Variants in ATXN7 observed in about 807,000 individuals in gnomAD.
The protein encoded by ATXN7 is ataxin 7, also known as ataxin-7.
Under a neutral mutation model 70.5 loss-of-function variants are expected in ATXN7, and 12 were observed. The observed-to-expected ratio is 0.17, with a 90% confidence interval of 0.11 to 0.28. The LOEUF is 0.28. Among genes scored for constraint, ATXN7 ranks in the 10% least tolerant of loss-of-function variants. ATXN7 has a pLI of 1.00. For missense variants in ATXN7, 1,256 were observed against 1,131.7 expected (o/e 1.11, Z -1.58); for synonymous variants, 498 against 448.7 (o/e 1.11, Z -1.39).
At chr3:63,993,354 G>A (rs1210965874) in intron 11 of ATXN7, among the ~76,000 whole-genome samples, 1 of 148,928 alleles carries the variant, frequency 6.7e-6, no homozygotes, top group Admixed American at 6.7e-5. Flanking sequence ...CAAGGCTGAG[G>A]CAGGAGAATG....
chr3:63,925,058 T>A (rs938824462), intron 4 of ATXN7, among the ~76,000 whole-genome samples: 20 of 152,180 alleles, frequency 1.3e-4, no homozygotes, highest in African/African-American at 4.8e-4. Context: ...TGGTTTTGGA[T>A]GGAATCAGAG....
intron 2 of ATXN7, chr3:63,912,080 C>A (rs981259483): frequency 1.3e-5 from 2 of 152,152 alleles, no homozygotes; most frequent in Non-Finnish European, 2.9e-5. Context: ...GAGGCGTCTC[C>A]GCTTAAGGGA....
At chr3:63,928,583 C>G (rs1704812043) in intron 4 of ATXN7, among the ~76,000 whole-genome samples, 1 of 152,126 alleles carries the variant, frequency 6.6e-6, no homozygotes, top group Admixed American at 6.5e-5. Context: ...TGCCTCAATC[C>G]TTACAGCAGT....
At chr3:63,933,068 G>C (rs1052881921) in intron 4 of ATXN7, among the ~76,000 whole-genome samples, 22 of 152,078 alleles carry the variant, frequency 1.4e-4, no homozygotes, top group African/African-American at 4.8e-4. Flanking sequence ...TGCTTGTTTT[G>C]TAAGTAAACT....
chr3:63,963,661 C>G (rs1417775453), intron 5 of ATXN7, among the ~76,000 whole-genome samples: 1 of 152,178 alleles, frequency 6.6e-6, no homozygotes, highest in Non-Finnish European at 1.5e-5. Flanking sequence ...TCATGTAAAT[C>G]CATTCACAGC....
At chr3:63,983,149 T>G (rs2075517737) in intron 8 of ATXN7, 128 bp downstream of exon 8, 3 of 752,354 alleles carry the variant, frequency 4.0e-6, no homozygotes, top group Non-Finnish European at 6.8e-6. Flanking sequence ...ATTGTGTAGG[T>G]GAAGGAATAA....
intron 4 of ATXN7, among the ~76,000 whole-genome samples, chr3:63,921,694 C>G (rs1249018730): frequency 2.0e-5 from 3 of 152,032 alleles, no homozygotes; most frequent in Admixed American, 6.6e-5. Flanking sequence ...AACCCCAGTT[C>G]TAGAATTAAG....
At chr3:63,865,924 AAG>A (rs1702409525) in intron 1 of ATXN7, among the ~76,000 whole-genome samples, 3 of 149,332 alleles carry the variant, frequency 2.0e-5, no homozygotes, top group Admixed American at 6.7e-5. Context: ...AAAAAAAAAA[AAG>A]AAAGTAATTG....
chr3:63,922,260 T>G (rs1704539909), intron 4 of ATXN7, among the ~76,000 whole-genome samples: 1 of 152,108 alleles, frequency 6.6e-6, no homozygotes, highest in Non-Finnish European at 1.5e-5. Context: ...CAGGCTGGTC[T>G]CAAACTCTGG....
chr3:63,995,172 C>T (rs541888657), intron 11 of ATXN7, among the ~76,000 whole-genome samples: 1 of 151,610 alleles, frequency 6.6e-6, no homozygotes, highest in Non-Finnish European at 1.5e-5. Context: ...AAAGGATGAG[C>T]AGAAGCTGGG....
intron 5 of ATXN7, among the ~76,000 whole-genome samples, chr3:63,961,646 A>G (rs1375121635): frequency 1.3e-5 from 2 of 152,130 alleles, no homozygotes; most frequent in African/African-American, 4.8e-5. Context: ...CTGTAAATAT[A>G]TAGAACTTTT....
chr3:63,877,108 A>G (rs149131536), intron 1 of ATXN7, among the ~76,000 whole-genome samples: 1 of 152,312 alleles, frequency 6.6e-6, no homozygotes, highest in African/African-American at 2.4e-5. Context: ...TACTATTGAA[A>G]AATCTTAAAT....
At chr3:63,917,969 G>A (rs1704349873) in intron 4 of ATXN7, among the ~76,000 whole-genome samples, 1 of 152,180 alleles carries the variant, frequency 6.6e-6, no homozygotes, top group Admixed American at 6.5e-5. Context: ...CCTTAATATA[G>A]TGCTCCATTT....
chr3:63,943,330 A>G (rs1378386480), intron 4 of ATXN7, among the ~76,000 whole-genome samples: 1 of 152,192 alleles, frequency 6.6e-6, no homozygotes, highest in Non-Finnish European at 1.5e-5. Flanking sequence ...AGTATTTGTT[A>G]TTATTCTGAC....
intron 1 of ATXN7, among the ~76,000 whole-genome samples, chr3:63,881,317 A>G (rs963060213): frequency 2.3e-4 from 35 of 152,170 alleles, no homozygotes; most frequent in African/African-American, 8.2e-4. Flanking sequence ...CTCCTAAACC[A>G]TTTTAGGGAA....
chr3:63,919,191 C>G (rs1275731338), intron 4 of ATXN7, among the ~76,000 whole-genome samples: 2 of 152,184 alleles, frequency 1.3e-5, no homozygotes, highest in Non-Finnish European at 2.9e-5. Context: ...GTGTCCATAA[C>G]TAAATTTTAT....
At chr3:63,928,055 AT>A (rs1704785532) in intron 4 of ATXN7, among the ~76,000 whole-genome samples, 1 of 152,196 alleles carries the variant, frequency 6.6e-6, no homozygotes, top group Non-Finnish European at 1.5e-5. Flanking sequence ...ACAACAATTA[AT>A]TTTTTTATTC....
At chr3:63,956,320 C>G (rs2075037785) in intron 5 of ATXN7, among the ~76,000 whole-genome samples, 1 of 146,532 alleles carries the variant, frequency 6.8e-6, no homozygotes, top group Non-Finnish European at 1.5e-5. Flanking sequence ...ACTTGGGAGG[C>G]TGAGGCAGGA....
At chr3:63,967,867 G>A (rs2075252266) in intron 5 of ATXN7, 2 of 1,534,814 alleles carry the variant, frequency 1.3e-6, no homozygotes, top group Non-Finnish European at 8.7e-7. Flanking sequence ...CATGATGCAA[G>A]CCTGCAGTAG....
Sources: allele counts gnomAD v4.1 joint callset (sites outside exome capture counted in the v4.1 genomes callset), GRCh38; gene constraint gnomAD v4.1.1; transcripts MANE v1.5; gene names NCBI Gene and HGNC (gene_info 2026-07-23, HGNC 2026-07-21).